The following FER variants were observed in gnomAD, a reference collection of about 807,000 sequenced individuals.
The protein encoded by FER is tyrosine-protein kinase Fer.
FER carries 63 observed loss-of-function variants against 111.0 expected under a neutral mutation model. That is an observed-to-expected ratio of 0.57 (90% CI 0.46 to 0.70). The LOEUF (loss-of-function observed/expected upper bound fraction) is 0.70, where lower values mean the gene tolerates loss of function less well. FER is among the 30% of genes least tolerant of loss of function. The pLI is 0.00. For synonymous variants in FER, 327 were observed against 313.9 expected, an observed-to-expected ratio of 1.04 and a Z score of -0.44; for missense variants, 914 against 954.0, an observed-to-expected ratio of 0.96 and a Z score of 0.55.
At chr5:108,989,592 T>C (rs1468982304) in intron 13 of FER, among the ~76,000 whole-genome samples, 1 of 152,002 alleles carries the variant, frequency 6.6e-6, no homozygotes, top group African/African-American at 2.4e-5. Flanking sequence ...CATTTTTGTT[T>C]TAACAGATGA....
intron 17 of FER, among the ~76,000 whole-genome samples, chr5:109,129,745 T>C (rs1291729060): frequency 6.6e-6 from 1 of 152,062 alleles, no homozygotes; most frequent in Admixed American, 6.6e-5. Flanking sequence ...ATAGGAATTA[T>C]TGAAATGTGT....
chr5:108,952,889 G>T (rs532312337), intron 11 of FER, among the ~76,000 whole-genome samples: 29 of 152,176 alleles, frequency 1.9e-4, no homozygotes, highest in Middle Eastern at 3.4e-3. Flanking sequence ...TAGCATCCTT[G>T]TTTGGGATGC....
At chr5:109,052,038 T>C in intron 16 of FER, 1 of 1,597,564 alleles carries the variant, frequency 6.3e-7, no homozygotes, top group South Asian at 1.1e-5. Flanking sequence ...TACCATGCTC[T>C]TCAATACCAT....
At chr5:109,049,578 TA>T (rs1561826398) in intron 16 of FER, among the ~76,000 whole-genome samples, 1 of 152,112 alleles carries the variant, frequency 6.6e-6, no homozygotes, top group South Asian at 2.1e-4. Flanking sequence ...CTTTTTTTTT[TA>T]AAATGCTAAA....
chr5:108,938,994 G>A (rs759763877), intron 10 of FER, among the ~76,000 whole-genome samples: 6 of 152,006 alleles, frequency 3.9e-5, no homozygotes, highest in African/African-American at 1.4e-4. Flanking sequence ...GAGACATATT[G>A]CATTAATGAA....
chr5:109,187,402 A>G, intron 19 of FER, 31 bp from the exon 20 acceptor site: 3 of 1,605,244 alleles, frequency 1.9e-6, no homozygotes, highest in Non-Finnish European at 2.6e-6. Flanking sequence ...CCTCCATTCT[A>G]AATTCTGTTC....
chr5:109,051,997 G>T, intron 16 of FER: 1 of 1,585,280 alleles, frequency 6.3e-7, no homozygotes, highest in African/African-American at 1.3e-5. Context: ...GATGATGTAG[G>T]TTCGCAGCAA....
At chr5:109,136,960 A>G (rs1191825849) in intron 17 of FER, among the ~76,000 whole-genome samples, 2 of 152,214 alleles carry the variant, frequency 1.3e-5, no homozygotes, top group African/African-American at 4.8e-5. Flanking sequence ...AATTTGAAGC[A>G]AAGAAGCCTT....
At chr5:108,955,009 T>C in intron 12 of FER, 77 bp downstream of exon 12, 2 of 1,281,822 alleles carry the variant, frequency 1.6e-6, no homozygotes, top group African/African-American at 1.5e-5. Flanking sequence ...TAACGAATGG[T>C]TTGTGATAAA....
At chr5:109,127,056 C>T (rs1383169598) in intron 17 of FER, among the ~76,000 whole-genome samples, 1 of 152,148 alleles carries the variant, frequency 6.6e-6, no homozygotes, top group Non-Finnish European at 1.5e-5. Context: ...ACAAAGAAAT[C>T]TAACTGCTAC....
At chr5:108,987,103 G>GT (rs917800137) in intron 13 of FER, among the ~76,000 whole-genome samples, 4 of 152,014 alleles carry the variant, frequency 2.6e-5, no homozygotes, top group South Asian at 2.1e-4. Context: ...CCATTTGTTT[G>GT]TTTTTTCTGT....
chr5:108,935,946 C>G (rs1157395283), intron 10 of FER, among the ~76,000 whole-genome samples: 1 of 152,004 alleles, frequency 6.6e-6, no homozygotes, highest in East Asian at 1.9e-4. Context: ...AATAGCATTA[C>G]TTTTTGAATG....
At chr5:109,080,272 T>G (rs1776839452) in intron 16 of FER, among the ~76,000 whole-genome samples, 1 of 152,134 alleles carries the variant, frequency 6.6e-6, no homozygotes, top group African/African-American at 2.4e-5. Context: ...GAAACAATTT[T>G]AATTGCTTAT....
In FER at chr5:108,993,432, G is replaced by A. The variant is rs550144045; in HGVS notation, c.1656+34085G>A. Among the ~76,000 whole-genome samples the A allele has an allele frequency of 3.5e-4, 53 of 152,208 alleles. 1 individual carries two copies. The highest frequency in any genetic ancestry group is 1.1e-3 in the African/African-American group (47 of 41,500). On this transcript the variant is annotated intron_variant, in intron 13 of 19. Coordinates refer to ENST00000281092, the MANE Select transcript of FER (RefSeq NM_005246.4). The stretch of plus-strand genomic sequence containing the variant: ...CGCGCGCCTGCAATCGCAGGCACTC[G>A]CCAGGCTGAGGCAGGAGAATCAGGC...
chr5:109,070,348 C>G (rs1775629769), intron 16 of FER, among the ~76,000 whole-genome samples: 1 of 151,898 alleles, frequency 6.6e-6, no homozygotes, highest in Admixed American at 6.6e-5. Flanking sequence ...GATACTCTTA[C>G]AGACTGATTT....
At chr5:109,002,660 G>C (rs1226698617) in intron 13 of FER, among the ~76,000 whole-genome samples, 1 of 152,084 alleles carries the variant, frequency 6.6e-6, no homozygotes, top group African/African-American at 2.4e-5. Flanking sequence ...CACAGCAAAA[G>C]AAACTACTAT....
intron 13 of FER, among the ~76,000 whole-genome samples, chr5:109,022,601 A>G (rs1416767834): frequency 2.0e-5 from 3 of 152,142 alleles, no homozygotes; most frequent in Non-Finnish European, 4.4e-5. Flanking sequence ...ATTGGGCCCC[A>G]CAAAGGCTAA....
At chr5:108,933,275 G>A (rs555097105) in intron 10 of FER, among the ~76,000 whole-genome samples, 1 of 152,288 alleles carries the variant, frequency 6.6e-6, no homozygotes, top group Admixed American at 6.5e-5. Context: ...TTTTAATAAG[G>A]TGTGAGGAAG....
At chr5:108,797,633 C>G (rs545529329) in intron 2 of FER, among the ~76,000 whole-genome samples, 25 of 152,282 alleles carry the variant, frequency 1.6e-4, no homozygotes, top group African/African-American at 6.0e-4. Context: ...CTTGATGATT[C>G]GAGACTGTGT....
Sources: allele counts gnomAD v4.1 joint callset (sites outside exome capture counted in the v4.1 genomes callset), GRCh38; gene constraint gnomAD v4.1.1; transcripts MANE v1.5; gene names NCBI Gene and HGNC (gene_info 2026-07-23, HGNC 2026-07-21).